The following MAP3K15 variants were observed in gnomAD, a reference collection of about 807,000 sequenced individuals.
The protein encoded by MAP3K15 is MAPK/ERK kinase kinase 15.
MAP3K15 carries 124 observed loss-of-function variants against 99.5 expected under a neutral mutation model. That is an observed-to-expected ratio of 1.25 (90% CI 1.08 to 1.45). The LOEUF is 1.45. MAP3K15 is among the 40% of genes most tolerant of loss of function. The pLI is 0.00. For missense variants in MAP3K15, 1,242 were observed against 1,079.7 expected, an observed-to-expected ratio of 1.15 and a Z score of -2.11; for synonymous variants, 494 against 439.6, an observed-to-expected ratio of 1.12 and a Z score of -1.55.
At chrX:19,489,767 G>A (rs2064354713) in intron 1 of MAP3K15, among the ~76,000 whole-genome samples, 1 of 111,015 alleles carries the variant, frequency 9.0e-6, no homozygotes, top group South Asian at 3.9e-4. Flanking sequence ...TGGGTGCAGT[G>A]GCTCATGCCT....
intron 16 of MAP3K15, among the ~76,000 whole-genome samples, chrX:19,393,897 G>A (rs943212807): frequency 4.8e-5 from 5 of 104,462 alleles, no homozygotes; most frequent in African/African-American, 1.8e-4. Flanking sequence ...CTCAGCCTCC[G>A]GAGTAGCTGG....
intron 24 of MAP3K15, among the ~76,000 whole-genome samples, chrX:19,369,436 T>C (rs751447955): frequency 9.0e-6 from 1 of 111,475 alleles, no homozygotes; most frequent in East Asian, 2.8e-4. Context: ...AGGAAGAAAT[T>C]GAGGCTTAAG....
intron 1 of MAP3K15, among the ~76,000 whole-genome samples, chrX:19,492,538 A>T (rs1000566351): frequency 2.7e-5 from 3 of 111,495 alleles, no homozygotes; most frequent in African/African-American, 9.8e-5. Flanking sequence ...AGCCTCATCA[A>T]TTTCTCTCAA....
chrX:19,366,492 A>T (rs1347902700), intron 25 of MAP3K15, among the ~76,000 whole-genome samples: 1 of 111,635 alleles, frequency 9.0e-6, no homozygotes, highest in Non-Finnish European at 1.9e-5. Context: ...TGTGGGAGGG[A>T]CCCAGTGGGA....
chrX:19,481,008 G>T lies in MAP3K15; in HGVS notation c.525+5474C>A, dbSNP rs186604598. Among the ~76,000 whole-genome samples, 131 of 106,571 alleles carry T rather than the reference G, an allele frequency of 1.2e-3. 1 individual carries two copies. The highest frequency in any genetic ancestry group is 9.4e-3 in the Middle Eastern group (2 of 213). 92.5% of individuals were successfully genotyped at this position (106,571 alleles called of 115,157 possible). Reference sequence around the variant, plus strand: ...TGCACACCTATAATTCCAGGCACTCGGGAGGTTGAGGTGGAAGGAGTACCT... The same window carrying T: ...TGCACACCTATAATTCCAGGCACTCTGGAGGTTGAGGTGGAAGGAGTACCT... On this transcript the variant is annotated intron_variant, in intron 3 of 28. Transcript: ENST00000338883.
chrX:19,466,993 C>T (rs888141955), intron 3 of MAP3K15, among the ~76,000 whole-genome samples: 1 of 111,050 alleles, frequency 9.0e-6, no homozygotes, highest in African/African-American at 3.3e-5. Context: ...ATGAGATTTA[C>T]ACACAAACTT....
chrX:19,497,355 T>A (rs1293536355), intron 1 of MAP3K15: 1 of 109,606 alleles, frequency 9.1e-6, no homozygotes, highest in Admixed American at 9.8e-5. Flanking sequence ...AGAGATGGGG[T>A]TTCATCATGG....
intron 13 of MAP3K15, among the ~76,000 whole-genome samples, chrX:19,401,791 A>G (rs1370193912): frequency 8.9e-6 from 1 of 112,347 alleles, no homozygotes; most frequent in Non-Finnish European, 1.9e-5. Flanking sequence ...TTGACTCATT[A>G]GAACATTTTT....
chrX:19,360,656 G>T lies in MAP3K15; in HGVS notation c.*93C>A. On this transcript the variant is annotated 3_prime_UTR_variant, in exon 29 of 29. Coordinates refer to ENST00000338883, the MANE Select transcript of MAP3K15 (RefSeq NM_001001671.4). The stretch of plus-strand genomic sequence containing the variant: ...ATTGAACAATGGCATTTTTAAATAT[G>T]TAAACACAGCGGAATTCGTGTATAC... 1 of 665,947 alleles carries T rather than the reference G, an allele frequency of 1.5e-6. No homozygotes were observed. The highest frequency in any genetic ancestry group is 2.4e-6 in the Non-Finnish European group (1 of 422,101). The allele number at this position is 665,947 out of a possible 1,213,427, so 54.9% of individuals were successfully genotyped here.
In MAP3K15 at chrX:19,463,263, G is replaced by A. The variant is rs147901560; in HGVS notation, c.719+950C>T. Reference sequence around the variant, plus strand: ...TCTGTAGAAGAAGGTCTGTATCCAGGGAAGAGGTGACGGGATAGAAAAGGA... The same window carrying A: ...TCTGTAGAAGAAGGTCTGTATCCAGAGAAGAGGTGACGGGATAGAAAAGGA... On this transcript the variant is annotated intron_variant, in intron 4 of 28. Coordinates refer to ENST00000338883, the MANE Select transcript of MAP3K15 (RefSeq NM_001001671.4). 5.6e-3 allele frequency among the ~76,000 whole-genome samples: 622 copies of A among 111,784 alleles called. 5 individuals carry two copies. The highest frequency in any genetic ancestry group is 0.019 in the African/African-American group (575 of 30,766).
At chrX:19,472,779 CT>C (rs2064216862) in intron 3 of MAP3K15, among the ~76,000 whole-genome samples, 1 of 112,084 alleles carries the variant, frequency 8.9e-6, no homozygotes, top group African/African-American at 3.2e-5. Flanking sequence ...TGTTATATGT[CT>C]TACAACTGTC....
chrX:19,476,459 A>T (rs1416419848), intron 3 of MAP3K15, among the ~76,000 whole-genome samples: 1 of 112,237 alleles, frequency 8.9e-6, no homozygotes, highest in Non-Finnish European at 1.9e-5. Context: ...ACCAGGTATG[A>T]CAAAGTTAAT....
At chrX:19,499,474 G>T (rs962373447) in intron 1 of MAP3K15, among the ~76,000 whole-genome samples, 1 of 112,573 alleles carries the variant, frequency 8.9e-6, no homozygotes, top group African/African-American at 3.2e-5. Context: ...AAGTCACAAA[G>T]ACTTGCAAAT....
At chrX:19,402,341 A>G (rs2063615181) in intron 13 of MAP3K15, among the ~76,000 whole-genome samples, 1 of 110,903 alleles carries the variant, frequency 9.0e-6, no homozygotes, top group Admixed American at 9.6e-5. Flanking sequence ...AAGAATACGG[A>G]ACAACTGGGA....
chrX:19,432,747 G>A (rs749367797), intron 6 of MAP3K15, among the ~76,000 whole-genome samples: 99 of 100,981 alleles, frequency 9.8e-4, no homozygotes, highest in African/African-American at 3.5e-3. Context: ...AGACAGTCTC[G>A]CTTTGTCGCC....
At chrX:19,394,951 G>A in intron 16 of MAP3K15, 130 bp downstream of exon 16, 2 of 738,922 alleles carry the variant, frequency 2.7e-6, no homozygotes. Context: ...GGCCTCCCAA[G>A]TAACTGGGAC....
chrX:19,499,719 G>A (rs988590537), intron 1 of MAP3K15, among the ~76,000 whole-genome samples: 2 of 112,036 alleles, frequency 1.8e-5, no homozygotes, highest in African/African-American at 6.5e-5. Context: ...CCATTTAGAT[G>A]AAGCTCTAGG....
chrX:19,476,947 A>T (rs969253956), intron 3 of MAP3K15, among the ~76,000 whole-genome samples: 2 of 111,430 alleles, frequency 1.8e-5, no homozygotes, highest in Non-Finnish European at 3.8e-5. Context: ...CCTACAGATG[A>T]CCACGGAGCC....
chrX:19,386,273 T>C (rs1167135542), intron 18 of MAP3K15, among the ~76,000 whole-genome samples: 1 of 111,174 alleles, frequency 9.0e-6, no homozygotes, highest in African/African-American at 3.3e-5. Flanking sequence ...CTGGCCAACA[T>C]GGTGAAACCC....
Sources: gnomAD v4.1 joint callset for allele counts (sites outside exome capture counted in the v4.1 genomes callset) on GRCh38, gnomAD v4.1.1 for gene constraint, MANE v1.5 for transcripts, NCBI Gene and HGNC (gene_info 2026-07-23, HGNC 2026-07-21) for gene names.